Variants in GPR158 observed in about 807,000 individuals in gnomAD.
GPR158 encodes the protein G protein-coupled receptor 158.
GPR158 carries 30 observed loss-of-function variants against 78.2 expected under a neutral mutation model. The observed-to-expected ratio is 0.38, with a 90% CI of 0.29 to 0.52. The LOEUF is 0.52. Ranked by LOEUF, GPR158 falls within the 20% of genes least tolerant of loss-of-function variation. The pLI, the probability that GPR158 is intolerant of heterozygous loss-of-function variation, is 0.83. For missense variants in GPR158, 1,463 were observed against 1,523.5 expected (o/e 0.96, Z 0.66); for synonymous variants, 581 against 591.1 (o/e 0.98, Z 0.25).
intron 2 of GPR158, among the ~76,000 whole-genome samples, chr10:25,271,607 C>T (rs1854120001): frequency 6.6e-6 from 1 of 152,172 alleles, no homozygotes; most frequent in Non-Finnish European, 1.5e-5. Flanking sequence ...AATGTGGCAA[C>T]AGATACCAAG....
intron 2 of GPR158, among the ~76,000 whole-genome samples, chr10:25,324,831 CTT>C (rs34746907): frequency 6.4e-5 from 8 of 125,358 alleles, no homozygotes; most frequent in Non-Finnish European, 6.5e-5. Context: ...TTTTTTCTTT[CTT>C]TTTTTTTTTT....
In GPR158 at chr10:25,217,622, T is replaced by A. The variant is rs543512921; in HGVS notation, c.903-3430T>A. ...CCTGAAGCAAGGCAGTGGCCATGCATATGGAAGAGAAGAGTCAAGATACAA... is the reference window on the plus strand; with the variant it reads ...CCTGAAGCAAGGCAGTGGCCATGCAAATGGAAGAGAAGAGTCAAGATACAA... On this transcript the variant is annotated intron_variant, in intron 1 of 10. Coordinates refer to ENST00000376351, the MANE Select transcript of GPR158 (RefSeq NM_020752.3). Among the ~76,000 whole-genome samples the A allele has an allele frequency of 2.6e-5, 4 of 152,260 alleles. No individual in the cohort carries two copies. In the East Asian group the frequency reaches 7.7e-4, roughly 29 times the overall value.
chr10:25,386,874 T>A (rs1834228865), intron 2 of GPR158, among the ~76,000 whole-genome samples: 1 of 152,204 alleles, frequency 6.6e-6, no homozygotes, highest in South Asian at 2.1e-4. Context: ...GTGTGGAATT[T>A]CAGGGTTTTC....
intron 2 of GPR158, among the ~76,000 whole-genome samples, chr10:25,304,131 T>C (rs1854635165): frequency 6.6e-6 from 1 of 151,404 alleles, no homozygotes; most frequent in Non-Finnish European, 1.5e-5. Flanking sequence ...CGTTTACTTG[T>C]TTGTTTTTGT....
chr10:25,290,927 A>C (rs1316214796), intron 2 of GPR158, among the ~76,000 whole-genome samples: 1 of 152,100 alleles, frequency 6.6e-6, no homozygotes, highest in African/African-American at 2.4e-5. Context: ...TTCTATTGTA[A>C]TAAAAATTTA....
rs974053703 is a variant in GPR158, at chr10:25,175,029, G to GGCAGCAGCA, written c.-383_-375dup. The stretch of plus-strand genomic sequence containing the variant: ...GAGCAGCGTCTTCGGCGGCCGCGGC[G>GGCAGCAGCA]GCAGCAGCAGCAGCAGCTTCTGAAC... On this transcript the variant is annotated 5_prime_UTR_variant, in exon 1 of 11. Transcript: ENST00000376351. The surrounding 1 kb of genome is among the most constrained non-coding windows in gnomAD (Gnocchi z 6.4). 2.2e-5 allele frequency: 4 copies of GGCAGCAGCA among 185,262 alleles called. No homozygotes were observed. Among genetic ancestry groups the GGCAGCAGCA allele is most frequent in the African/African-American group, 7.2e-5 (3 of 41,946 alleles). 11.5% of individuals were successfully genotyped at this position (185,262 alleles called of 1,614,324 possible).
intron 4 of GPR158, among the ~76,000 whole-genome samples, chr10:25,437,400 A>ATT (rs11410950): frequency 6.6e-6 from 1 of 151,378 alleles, no homozygotes; most frequent in Non-Finnish European, 1.5e-5. Flanking sequence ...TCATTTTTGT[A>ATT]TTTTTTGTAG....
chr10:25,372,639 A>G (rs6482474), intron 2 of GPR158, among the ~76,000 whole-genome samples: 88,991 of 139,230 alleles, frequency 0.64, 29,365 homozygotes, highest in Non-Finnish European at 0.72. Flanking sequence ...ATTCTCAGTC[A>G]TAGGTGGGAA....
chr10:25,515,929 C>G (rs958335217), intron 5 of GPR158, among the ~76,000 whole-genome samples: 1,952 of 151,426 alleles, frequency 0.013, 50 homozygotes, highest in African/African-American at 0.045. Context: ...GTTCTAGATC[C>G]CTGAGGAATC....
intron 1 of GPR158, among the ~76,000 whole-genome samples, chr10:25,208,138 T>C (rs1853071385): frequency 6.6e-6 from 1 of 152,220 alleles, no homozygotes; most frequent in Non-Finnish European, 1.5e-5. Flanking sequence ...GTTTGCTTTG[T>C]TCATTAGTCA....
At chr10:25,380,243 A>T (rs554961194) in intron 2 of GPR158, among the ~76,000 whole-genome samples, 4 of 152,242 alleles carry the variant, frequency 2.6e-5, no homozygotes, top group African/African-American at 9.6e-5. Flanking sequence ...CCCTCATCCT[A>T]TACCTGTCTC....
chr10:25,212,316 A>G (rs1853142696), intron 1 of GPR158, among the ~76,000 whole-genome samples: 1 of 152,124 alleles, frequency 6.6e-6, no homozygotes, highest in East Asian at 1.9e-4. Flanking sequence ...GGCGTCTTAC[A>G]TGGGAGGAGC....
At chr10:25,247,683 T>C (rs1258103068) in intron 2 of GPR158, among the ~76,000 whole-genome samples, 1 of 151,274 alleles carries the variant, frequency 6.6e-6, no homozygotes, top group East Asian at 1.9e-4. Context: ...CCATGGTGTA[T>C]ATGTGCCACA....
At chr10:25,331,377 T>C (rs1308340302) in intron 2 of GPR158, among the ~76,000 whole-genome samples, 1 of 152,214 alleles carries the variant, frequency 6.6e-6, no homozygotes. Context: ...AGCAGTATTT[T>C]TGCTCTTTGC....
intron 4 of GPR158, among the ~76,000 whole-genome samples, chr10:25,444,585 G>A (rs973458928): frequency 2.7e-5 from 4 of 150,610 alleles, no homozygotes; most frequent in Non-Finnish European, 5.9e-5. Flanking sequence ...GGAGTGTGTG[G>A]GAGTGTGCGG....
intron 4 of GPR158, among the ~76,000 whole-genome samples, chr10:25,450,004 G>A (rs201494354): frequency 1.3e-5 from 2 of 148,404 alleles, no homozygotes; most frequent in Non-Finnish European, 1.5e-5. Context: ...AAAATGATCA[G>A]AAAAAAAAAA....
intron 4 of GPR158, among the ~76,000 whole-genome samples, chr10:25,417,366 G>A (rs989069375): frequency 4.6e-5 from 7 of 152,098 alleles, no homozygotes; most frequent in South Asian, 2.1e-4. Flanking sequence ...TCTAGATCAC[G>A]GTTGGCCAGT....
chr10:25,412,968 C>T (rs556033748), intron 4 of GPR158, among the ~76,000 whole-genome samples: 24 of 152,174 alleles, frequency 1.6e-4, no homozygotes, highest in African/African-American at 5.1e-4. Flanking sequence ...ATAACAATCC[C>T]GGGAAGAACT....
intron 2 of GPR158, among the ~76,000 whole-genome samples, chr10:25,237,520 G>A (rs1209897337): frequency 6.6e-6 from 1 of 152,152 alleles, no homozygotes; most frequent in Non-Finnish European, 1.5e-5. Flanking sequence ...ACTCAGTTAT[G>A]TGCTTTAGTT....
Sources: allele counts gnomAD v4.1 joint callset (sites outside exome capture counted in the v4.1 genomes callset), GRCh38; gene constraint gnomAD v4.1.1; non-coding constraint Gnocchi (gnomAD v3.1); transcripts MANE v1.5; gene names NCBI Gene and HGNC (gene_info 2026-07-23, HGNC 2026-07-21).